ATXN2: variants seen among roughly 807,000 people sequenced by gnomAD.
ATXN2 encodes the protein ataxin 2.
In ATXN2, 37 loss-of-function variants were observed where a neutral mutation model predicts 138.6. The observed-to-expected ratio is 0.27, with a 90% CI of 0.21 to 0.35. The LOEUF (loss-of-function observed/expected upper bound fraction) is 0.35. Ranked by LOEUF, ATXN2 falls within the 10% of genes least tolerant of loss-of-function variation. The pLI is 1.00. For missense variants in ATXN2, 1,216 were observed against 1,480.3 expected (o/e 0.82, Z 2.93); for synonymous variants, 549 against 543.7 (o/e 1.01, Z -0.13).
Position 111,541,864 on chromosome 12 carries a change from C to T in ATXN2, c.571+10416G>A, listed in dbSNP as rs762454272. On this transcript the variant is annotated intron_variant, in intron 5 of 24. Coordinates refer to ENST00000673436, the MANE Select transcript of ATXN2 (RefSeq NM_001372574.1). ...CAATCTCAGCTCACTGCAACCTCCA[C>T]CTACGGGGTTCGAGTAATTCTCCTG... 1.4e-5 allele frequency among the ~76,000 whole-genome samples: 2 copies of T among 147,546 alleles called. 1 individual carries two copies. Among genetic ancestry groups the T allele is most frequent in the Non-Finnish European group, 3.0e-5 (2 of 66,016 alleles).
In ATXN2 at chr12:111,556,776, A is replaced by G. The variant is rs1426404320; in HGVS notation, c.252-857T>C. 2.6e-5 allele frequency among the ~76,000 whole-genome samples: 4 copies of G among 151,258 alleles called. No homozygotes were observed. The Admixed American group carries it at 2.6e-4, about 10-fold the overall frequency. On this transcript the variant is annotated intron_variant, in intron 1 of 24. Transcript: ENST00000673436. ...GGTTGCAGTGAGCTGAGACCGCCCCATTGTACTCCAGCCGGGGTGACAGAG... is the reference window on the plus strand; with the variant it reads ...GGTTGCAGTGAGCTGAGACCGCCCCGTTGTACTCCAGCCGGGGTGACAGAG...
At chr12:111,495,778 T>C (rs1878384274) in intron 14 of ATXN2, among the ~76,000 whole-genome samples, 1 of 152,150 alleles carries the variant, frequency 6.6e-6, no homozygotes, top group South Asian at 2.1e-4. Flanking sequence ...CCAACAGCTA[T>C]AGAATACACA....
intron 13 of ATXN2, 32 bp downstream of exon 13, chr12:111,509,859 C>T (rs950350818): frequency 6.8e-7 from 1 of 1,475,020 alleles, no homozygotes; most frequent in African/African-American, 1.4e-5. Flanking sequence ...CCTATTCCTA[C>T]AGTTAAGCTT....
At chr12:111,478,360 G>A (rs1052834741) in intron 18 of ATXN2, among the ~76,000 whole-genome samples, 12 of 151,912 alleles carry the variant, frequency 7.9e-5, no homozygotes, top group Admixed American at 3.3e-4. Flanking sequence ...GAGCCAAGAT[G>A]GCACCACTGC....
chr12:111,507,603 GC>G (rs1460578574), intron 14 of ATXN2, among the ~76,000 whole-genome samples: 1 of 151,434 alleles, frequency 6.6e-6, no homozygotes, highest in Non-Finnish European at 1.5e-5. Flanking sequence ...CTGCCCGGCC[GC>G]CCCTTCTGGG....
At chr12:111,497,065 A>G (rs545911342) in intron 14 of ATXN2, among the ~76,000 whole-genome samples, 23 of 152,326 alleles carry the variant, frequency 1.5e-4, no homozygotes, top group African/African-American at 5.5e-4. Context: ...AAGGATCATT[A>G]GAGACTACTA....
At chr12:111,557,319 C>G (rs1388637810) in intron 1 of ATXN2, among the ~76,000 whole-genome samples, 1 of 152,170 alleles carries the variant, frequency 6.6e-6, no homozygotes, top group African/African-American at 2.4e-5. Flanking sequence ...CTAGCTTGGT[C>G]TCCAACTCTG....
At chr12:111,553,570 C>G (rs11065949) in intron 3 of ATXN2, among the ~76,000 whole-genome samples, 1 of 33,930 alleles carries the variant, frequency 2.9e-5, no homozygotes. Context: ...CCTCTTTTTT[C>G]TCAAAAAAAA....
At chr12:111,495,429 G>C (rs912059393) in intron 14 of ATXN2, among the ~76,000 whole-genome samples, 13 of 151,424 alleles carry the variant, frequency 8.6e-5, no homozygotes, top group African/African-American at 3.2e-4. Context: ...ATGGAAACCA[G>C]AAAAGAACAG....
intron 1 of ATXN2, among the ~76,000 whole-genome samples, chr12:111,563,139 A>G (rs1033090532): frequency 4.6e-5 from 7 of 152,176 alleles, no homozygotes; most frequent in African/African-American, 1.7e-4. Context: ...CAGTCTACAA[A>G]ATAACCTGTA....
intron 1 of ATXN2, among the ~76,000 whole-genome samples, chr12:111,576,262 G>C (rs1387896136): frequency 6.6e-6 from 1 of 151,812 alleles, no homozygotes; most frequent in Non-Finnish European, 1.5e-5. Flanking sequence ...TGACCAACAT[G>C]GTGAAACCCC....
At chr12:111,592,804 A>AAAAAAAAAAAAAAAAT in intron 1 of ATXN2, among the ~76,000 whole-genome samples, 1 of 147,622 alleles carries the variant, frequency 6.8e-6, no homozygotes, top group Admixed American at 6.8e-5. Context: ...AAAAAAAAAA[A>AAAAAAAAAAAAAAAAT]GATAATAGGT....
intron 1 of ATXN2, among the ~76,000 whole-genome samples, chr12:111,589,984 C>T (rs150488279): frequency 6.6e-6 from 1 of 151,778 alleles, no homozygotes; most frequent in East Asian, 2.0e-4. Context: ...CCAAGACAGG[C>T]AGATCACCTA....
In ATXN2 at chr12:111,552,193, T is replaced by TA; in HGVS notation, c.571+86dup. Reference sequence around the variant, plus strand: ...GCCATACCCAGCCCAGATATTTCTTTAAAAAAAGTTTGTAAGATCACTGTG... The same window carrying TA: ...GCCATACCCAGCCCAGATATTTCTTTAAAAAAAAGTTTGTAAGATCACTGTG... On this transcript the variant is annotated intron_variant, in intron 5 of 24. Coordinates refer to ENST00000673436, the MANE Select transcript of ATXN2 (RefSeq NM_001372574.1). This position sits in a 1 kb window ranked among gnomAD's most constrained non-coding sequence, Gnocchi z 4.1. 2 of 1,405,464 alleles carry TA rather than the reference T, an allele frequency of 1.4e-6. No homozygotes were observed. The highest frequency in any genetic ancestry group is 1.9e-6 in the Non-Finnish European group (2 of 1,051,018). The allele number at this position is 1,405,464 out of a possible 1,614,324, so 87.1% of individuals were successfully genotyped here.
chr12:111,588,858 G>T (rs1248020481), intron 1 of ATXN2, among the ~76,000 whole-genome samples: 2 of 151,222 alleles, frequency 1.3e-5, no homozygotes, highest in African/African-American at 2.4e-5. Context: ...AGCCGGGCAT[G>T]GTGGCGGGCG....
At chr12:111,564,440 G>C (rs1228170109) in intron 1 of ATXN2, among the ~76,000 whole-genome samples, 1 of 150,960 alleles carries the variant, frequency 6.6e-6, no homozygotes, top group Non-Finnish European at 1.5e-5. Context: ...TGATTTTTAT[G>C]TTCCTCAAGA....
intron 14 of ATXN2, among the ~76,000 whole-genome samples, chr12:111,491,155 A>C (rs1878004339): frequency 2.0e-5 from 3 of 152,090 alleles, no homozygotes; most frequent in Non-Finnish European, 4.4e-5. Context: ...CAGGAGGCTG[A>C]GGTAGGAGAA....
chr12:111,471,099 G>A (rs746625332), intron 18 of ATXN2: 19 of 208,544 alleles, frequency 9.1e-5, no homozygotes, highest in South Asian at 7.1e-4. Context: ...TTTCTGGGAC[G>A]GGCACTGCAT....
chr12:111,486,890 C>T (rs373932829), intron 15 of ATXN2, 66 bp from the exon 16 acceptor site: 17 of 1,354,574 alleles, frequency 1.3e-5, no homozygotes, highest in African/African-American at 1.5e-5. Context: ...TCTTCCATAC[C>T]TGACAATTTA....
Sources: gnomAD v4.1 joint callset for allele counts (sites outside exome capture counted in the v4.1 genomes callset) on GRCh38, gnomAD v4.1.1 for gene constraint, Gnocchi (gnomAD v3.1) non-coding constraint, MANE v1.5 for transcripts, NCBI Gene and HGNC (gene_info 2026-07-23, HGNC 2026-07-21) for gene names.